Variants in MAP4K5 observed in about 807,000 individuals in gnomAD.
MAP4K5 encodes the protein MAPK/ERK kinase kinase kinase 5.
In MAP4K5, 82 loss-of-function variants were observed where a neutral mutation model predicts 135.6. That is an observed-to-expected ratio of 0.60 (90% CI 0.51 to 0.73). The LOEUF is 0.73. Ranked by LOEUF, MAP4K5 falls within the 30% of genes least tolerant of loss-of-function variation. The pLI is 0.00. For missense variants in MAP4K5, 907 were observed against 1,010.9 expected, an observed-to-expected ratio of 0.90 and a Z score of 1.39; for synonymous variants, 347 against 335.0, an observed-to-expected ratio of 1.04 and a Z score of -0.39.
intron 28 of MAP4K5, among the ~76,000 whole-genome samples, chr14:50,431,039 G>A (rs536667640): frequency 2.6e-5 from 4 of 152,224 alleles, no homozygotes; most frequent in South Asian, 4.2e-4. Flanking sequence ...CCAAGGCCAC[G>A]GGCAAACATG....
intron 2 of MAP4K5, among the ~76,000 whole-genome samples, chr14:50,540,897 A>C (rs7152982): frequency 0.84 from 127,812 of 152,176 alleles, 55,666 homozygotes; most frequent in Non-Finnish European, 0.94. Context: ...ACCATTAAAG[A>C]TATGAAAGAT....
upstream of MAP4K5, among the ~76,000 whole-genome samples, chr14:50,534,378 A>T (rs2038465454): frequency 6.6e-6 from 1 of 152,376 alleles, no homozygotes; most frequent in East Asian, 1.9e-4. Flanking sequence ...TAACCAATTG[A>T]TCAAGAAGAG....
intron 28 of MAP4K5, 61 bp downstream of exon 28, chr14:50,434,333 T>C: frequency 3.1e-6 from 4 of 1,299,398 alleles, no homozygotes; most frequent in Non-Finnish European, 4.3e-6. Flanking sequence ...TTATAGGTGG[T>C]GTTTTGCTTC....
At chr14:50,531,808 G>C (rs1434484693) in intron 2 of MAP4K5, 134 bp downstream of exon 2, 3 of 725,828 alleles carry the variant, frequency 4.1e-6, no homozygotes, top group Non-Finnish European at 7.4e-6. Flanking sequence ...CCGAGTAAAA[G>C]GGACCCCGGC....
intron 3 of MAP4K5, among the ~76,000 whole-genome samples, chr14:50,503,949 TTAA>T (rs778108797): frequency 2.6e-5 from 4 of 151,986 alleles, no homozygotes. Context: ...TAGGTGGCAC[TTAA>T]TAAGAGGATC....
intron 6 of MAP4K5, among the ~76,000 whole-genome samples, chr14:50,478,164 G>T (rs1383311952): frequency 6.6e-6 from 1 of 152,122 alleles, no homozygotes; most frequent in Non-Finnish European, 1.5e-5. Flanking sequence ...TGTATCTCTT[G>T]TTGAAACTGC....
intron 1 of MAP4K5, among the ~76,000 whole-genome samples, chr14:50,558,544 C>CA (rs1337093723): frequency 2.6e-5 from 4 of 152,190 alleles, no homozygotes; most frequent in African/African-American, 9.7e-5. Context: ...CACACAGTCT[C>CA]AAAGTATTCA....
intron 3 of MAP4K5, among the ~76,000 whole-genome samples, chr14:50,491,130 A>G (rs2037475625): frequency 6.6e-6 from 1 of 152,092 alleles, no homozygotes; most frequent in African/African-American, 2.4e-5. Flanking sequence ...GCAGACCCTC[A>G]GATTTTTTTT....
At chr14:50,537,480 G>A (rs1244721751), upstream of MAP4K5, among the ~76,000 whole-genome samples, 2 of 152,088 alleles carry the variant, frequency 1.3e-5, no homozygotes, top group Non-Finnish European at 2.9e-5. Flanking sequence ...GCCTAGTGGA[G>A]CTGTGAGAAG....
At chr14:50,538,035 G>A (rs2038515901) in intron 2 of MAP4K5, among the ~76,000 whole-genome samples, 2 of 152,304 alleles carry the variant, frequency 1.3e-5, no homozygotes, top group South Asian at 2.1e-4. Flanking sequence ...GGGGCAGAAT[G>A]GTATGGTTTG....
At chr14:50,432,588 A>C (rs1207294876) in intron 28 of MAP4K5, among the ~76,000 whole-genome samples, 2 of 151,950 alleles carry the variant, frequency 1.3e-5, no homozygotes, top group African/African-American at 2.4e-5. Flanking sequence ...AAAAAAACGC[A>C]AACTCAAACA....
chr14:50,543,086 A>G (rs536976764), intron 1 of MAP4K5, among the ~76,000 whole-genome samples: 1 of 152,368 alleles, frequency 6.6e-6, no homozygotes, highest in South Asian at 2.1e-4. Flanking sequence ...ATAGTTATAC[A>G]AGAAGATCTG....
At chr14:50,523,322 AT>A (rs1217932816) in intron 2 of MAP4K5, among the ~76,000 whole-genome samples, 2 of 152,130 alleles carry the variant, frequency 1.3e-5, no homozygotes, top group Non-Finnish European at 2.9e-5. Context: ...AAAAAAAAAA[AT>A]CATAAATAAA....
chr14:50,517,719 AG>A (rs1391021173), intron 2 of MAP4K5, among the ~76,000 whole-genome samples: 1 of 152,096 alleles, frequency 6.6e-6, no homozygotes, highest in Non-Finnish European at 1.5e-5. Flanking sequence ...CAGTGGTTGC[AG>A]TAAGCCAAGA....
chr14:50,438,414 A>G, intron 23 of MAP4K5: 1 of 161,184 alleles, frequency 6.2e-6, no homozygotes, highest in Non-Finnish European at 1.4e-5. Context: ...GGACAGACCT[A>G]TTTATCAATA....
intron 9 of MAP4K5, among the ~76,000 whole-genome samples, chr14:50,473,970 C>T (rs1050168137): frequency 4.6e-5 from 7 of 152,046 alleles, no homozygotes; most frequent in Admixed American, 2.0e-4. Context: ...TTGATCCGCC[C>T]GCCTCAGCCT....
intron 2 of MAP4K5, among the ~76,000 whole-genome samples, chr14:50,528,310 G>GA (rs2038311088): frequency 6.6e-6 from 1 of 151,484 alleles, no homozygotes; most frequent in African/African-American, 2.4e-5. Context: ...CTTCAGAGGG[G>GA]ATCTGTGGTA....
Position 50,425,898 on chromosome 14 carries a change from A to G in MAP4K5, c.2397+9T>C, listed in dbSNP as rs376495853. The G allele has an allele frequency of 6.2e-7, 1 of 1,601,202 alleles. No individual in the cohort carries two copies. Reference sequence around the variant, plus strand: ...TGGGAGTCAGTGGAGGTAATCTGAGAAGGCTTACCTCATCTGACTTGAAGC... The same window carrying G: ...TGGGAGTCAGTGGAGGTAATCTGAGGAGGCTTACCTCATCTGACTTGAAGC... On this transcript the variant is annotated intron_variant, in intron 31 of 32. Transcript: ENST00000682126.
chr14:50,523,662 T>A (rs1475743369), intron 2 of MAP4K5, among the ~76,000 whole-genome samples: 1 of 152,206 alleles, frequency 6.6e-6, no homozygotes, highest in African/African-American at 2.4e-5. Context: ...CTTCTTTCTA[T>A]ACCTTTAATC....
Sources: allele counts gnomAD v4.1 joint callset (sites outside exome capture counted in the v4.1 genomes callset), GRCh38; gene constraint gnomAD v4.1.1; transcripts MANE v1.5; gene names NCBI Gene and HGNC (gene_info 2026-07-23, HGNC 2026-07-21).